Variants in DHRSX observed in about 807,000 individuals in gnomAD.
DHRSX encodes polyprenol dehydrogenase.
Under a neutral mutation model 34.0 loss-of-function variants are expected in DHRSX, and 31 were observed. The observed-to-expected ratio is 0.91, with a 90% CI of 0.69 to 1.23. The LOEUF (loss-of-function observed/expected upper bound fraction) is 1.23, where lower values mean the gene tolerates loss of function less well. Ranked by LOEUF, DHRSX falls within the 50% of genes most tolerant of loss-of-function variation. DHRSX has a pLI of 0.00. For missense variants in DHRSX, 414 were observed against 428.1 expected (o/e 0.97, Z 0.29); for synonymous variants, 201 against 183.8 (o/e 1.09, Z -0.76).
intron 3 of DHRSX, among the ~76,000 whole-genome samples, chrX:2,382,966 TCACCATCATCAC>T (rs1240881749): frequency 3.1e-5 from 2 of 65,220 alleles, no homozygotes; most frequent in African/African-American, 4.7e-5. Flanking sequence ...ATCATCACCA[TCACCATCATCAC>T]CATCATCAGC....
chrX:2,432,602 C>T (rs1377314945), intron 1 of DHRSX, among the ~76,000 whole-genome samples: 7 of 152,050 alleles, frequency 4.6e-5, no homozygotes, highest in Non-Finnish European at 8.8e-5. Context: ...AAAAGATGGG[C>T]GTTTTAATAA....
chrX:2,496,785 T>C (rs2045295728), intron 1 of DHRSX, among the ~76,000 whole-genome samples: 1 of 151,098 alleles, frequency 6.6e-6, no homozygotes, highest in South Asian at 2.1e-4. Context: ...TATATATTTA[T>C]ATAAAAATAT....
chrX:2,311,588 CA>C (rs1486983017), intron 3 of DHRSX, among the ~76,000 whole-genome samples: 1 of 152,110 alleles, frequency 6.6e-6, no homozygotes, highest in Non-Finnish European at 1.5e-5. Context: ...GCAGATGCCC[CA>C]AAGAGCTTGT....
At chrX:2,456,270 G>A (rs756160312) in intron 1 of DHRSX, among the ~76,000 whole-genome samples, 3 of 152,142 alleles carry the variant, frequency 2.0e-5, no homozygotes, top group South Asian at 2.1e-4. Flanking sequence ...TGACTCATTT[G>A]TCACAGGTAG....
intron 1 of DHRSX, among the ~76,000 whole-genome samples, chrX:2,468,978 A>G (rs1296856363): frequency 6.6e-6 from 1 of 152,118 alleles, no homozygotes; most frequent in Non-Finnish European, 1.5e-5. Context: ...TACACACTGA[A>G]GACGTTCCCT....
At chrX:2,327,135 T>C (rs2042396729) in intron 3 of DHRSX, among the ~76,000 whole-genome samples, 1 of 152,156 alleles carries the variant, frequency 6.6e-6, no homozygotes, top group Admixed American at 6.5e-5. Context: ...CTATTAGCTT[T>C]CAACAACACT....
At chrX:2,364,193 G>C (rs995549816) in intron 3 of DHRSX, among the ~76,000 whole-genome samples, 1 of 152,174 alleles carries the variant, frequency 6.6e-6, no homozygotes, top group African/African-American at 2.4e-5. Flanking sequence ...GGCATCTGTA[G>C]GGATCTACAT....
chrX:2,274,890 C>A (rs1204299386), intron 4 of DHRSX, among the ~76,000 whole-genome samples: 1 of 152,090 alleles, frequency 6.6e-6, no homozygotes, highest in African/African-American at 2.4e-5. Context: ...TAATTTTCCT[C>A]TTCCTATGTA....
At chrX:2,488,625 C>T (rs770418143) in intron 1 of DHRSX, 28 of 1,583,714 alleles carry the variant, frequency 1.8e-5, no homozygotes, top group South Asian at 8.0e-5. Context: ...TAAGACAACA[C>T]GCTTCCTCGC....
chrX:2,392,350 A>G (rs891233275), intron 3 of DHRSX: 15 of 198,126 alleles, frequency 7.6e-5, no homozygotes, highest in Non-Finnish European at 1.5e-4. Flanking sequence ...TATGCAGCAC[A>G]TACAATTTTA....
intron 6 of DHRSX, among the ~76,000 whole-genome samples, chrX:2,235,702 C>A (rs2015996260): frequency 7.1e-6 from 1 of 140,440 alleles, no homozygotes; most frequent in African/African-American, 2.7e-5. Context: ...AAAATCATGC[C>A]ACTACACTCC....
intron 4 of DHRSX, among the ~76,000 whole-genome samples, chrX:2,290,634 G>C (rs2041854731): frequency 1.3e-5 from 2 of 152,158 alleles, no homozygotes. Context: ...ACGTACGTCT[G>C]TTCTATCCAC....
intron 6 of DHRSX, among the ~76,000 whole-genome samples, chrX:2,234,402 T>C (rs1487892283): frequency 4.6e-5 from 7 of 151,898 alleles, no homozygotes; most frequent in Non-Finnish European, 8.8e-5. Flanking sequence ...CCCTGATCCA[T>C]GCACACAGCC....
chrX:2,385,991 C>A (rs1436602967), intron 3 of DHRSX, among the ~76,000 whole-genome samples: 28 of 151,818 alleles, frequency 1.8e-4, no homozygotes, highest in Non-Finnish European at 2.9e-5. Context: ...GTACCTAAGG[C>A]AAAAACAGTC....
chrX:2,225,183 TCACACATG>T (rs1396305950), intron 6 of DHRSX, among the ~76,000 whole-genome samples: 5 of 141,794 alleles, frequency 3.5e-5, no homozygotes, highest in African/African-American at 1.4e-4. Context: ...CGCACACAGC[TCACACATG>T]CACACATTTG....
chrX:2,401,919 G>A (rs896798072), intron 3 of DHRSX, among the ~76,000 whole-genome samples: 2 of 152,188 alleles, frequency 1.3e-5, no homozygotes, highest in Non-Finnish European at 2.9e-5. Context: ...TTATAATTCC[G>A]AGAGCTCAAT....
In DHRSX at chrX:2,221,213, G is replaced by T. The variant is rs1418375528; in HGVS notation, c.821C>A (p.Ala274Glu). ...GACTGCTGCGTAGATGGAAGTCCAC[G>T]CTCCTTCATCGGGGGTCTGGTGGAA... ...WLLFKTPDEG[A>E]WTSIYAAVTP... Residue 274 changes from alanine (A) to glutamate (E), a missense_variant, in exon 7 of 7, where the codon GCG becomes GAG. Coordinates refer to ENST00000334651, the MANE Select transcript of DHRSX (RefSeq NM_145177.3). 1 of 1,613,522 alleles carries T rather than the reference G, an allele frequency of 6.2e-7. No homozygotes were observed. The highest frequency in any genetic ancestry group is 8.5e-7 in the Non-Finnish European group (1 of 1,179,662).
intron 2 of DHRSX, among the ~76,000 whole-genome samples, chrX:2,416,616 ATC>A: frequency 6.6e-6 from 1 of 152,120 alleles, no homozygotes; most frequent in Non-Finnish European, 1.5e-5. Flanking sequence ...CACATTTATT[ATC>A]TGTCTCTTTA....
At chrX:2,494,899 C>T (rs1244262164) in intron 1 of DHRSX, among the ~76,000 whole-genome samples, 1 of 151,538 alleles carries the variant, frequency 6.6e-6, no homozygotes, top group Non-Finnish European at 1.5e-5. Context: ...GGTTTATATT[C>T]TATTATTATT....
Sources: allele counts gnomAD v4.1 joint callset (sites outside exome capture counted in the v4.1 genomes callset), GRCh38; gene constraint gnomAD v4.1.1; transcripts MANE v1.5; gene names NCBI Gene and HGNC (gene_info 2026-07-23, HGNC 2026-07-21).